Variants in SNTG2 observed in about 807,000 individuals in gnomAD.
SNTG2 encodes the protein gamma-2-syntrophin.
In SNTG2, 74 loss-of-function variants were observed where a neutral mutation model predicts 70.9. The observed-to-expected ratio is 1.04, with a 90% CI of 0.86 to 1.27. SNTG2 has a LOEUF of 1.27. Among genes scored for constraint, SNTG2 ranks in the 50% most tolerant of loss-of-function variants. The probability of loss-of-function intolerance (pLI) is 0.00; values close to 1 mark genes in which losing one functional copy is unlikely to be tolerated. For synonymous variants in SNTG2, 278 were observed against 273.8 expected (o/e 1.02, Z -0.15); for missense variants, 717 against 690.7 (o/e 1.04, Z -0.43).
intron 8 of SNTG2, among the ~76,000 whole-genome samples, chr2:1,189,498 A>C (rs541283446): frequency 6.6e-6 from 1 of 152,074 alleles, no homozygotes; most frequent in Non-Finnish European, 1.5e-5. Context: ...TGCAATTAAG[A>C]CAGCATTCAG....
chr2:1,285,523 T>C (rs1679730383), intron 14 of SNTG2, among the ~76,000 whole-genome samples: 2 of 152,252 alleles, frequency 1.3e-5, no homozygotes, highest in South Asian at 4.1e-4. Flanking sequence ...TCACACAAAG[T>C]TAACAATACT....
intron 4 of SNTG2, among the ~76,000 whole-genome samples, chr2:1,116,592 C>T (rs1350620062): frequency 5.1e-4 from 36 of 71,234 alleles, no homozygotes; most frequent in South Asian, 1.5e-3. Context: ...ACGGGTGCCC[C>T]GGTGTTCGGG....
intron 1 of SNTG2, among the ~76,000 whole-genome samples, chr2:1,069,794 A>AAAAT (rs1015032769): frequency 6.6e-6 from 1 of 152,130 alleles, no homozygotes; most frequent in Admixed American, 6.5e-5. Context: ...CGTCTCAAAA[A>AAAAT]AAATAAATAA....
chr2:1,122,968 A>G (rs1280744784), intron 4 of SNTG2, among the ~76,000 whole-genome samples: 1 of 152,038 alleles, frequency 6.6e-6, no homozygotes, highest in Non-Finnish European at 1.5e-5. Flanking sequence ...ATCAGAAAAA[A>G]ATAAAATATT....
At chr2:955,918 A>T (rs1480318797) in intron 1 of SNTG2, among the ~76,000 whole-genome samples, 1 of 152,150 alleles carries the variant, frequency 6.6e-6, no homozygotes, top group Non-Finnish European at 1.5e-5. Context: ...CAAGGGGCCC[A>T]CATCTGCCAC....
intron 2 of SNTG2, among the ~76,000 whole-genome samples, chr2:1,085,351 C>G (rs1266755101): frequency 1.3e-5 from 2 of 152,164 alleles, no homozygotes; most frequent in African/African-American, 2.4e-5. Context: ...GCATCAGGTT[C>G]TCTACCAAAA....
intron 4 of SNTG2, among the ~76,000 whole-genome samples, chr2:1,114,817 T>C (rs1666826104): frequency 6.6e-6 from 1 of 152,076 alleles, no homozygotes; most frequent in Non-Finnish European, 1.5e-5. Context: ...TATAGTCCTT[T>C]GAGGAGGATT....
At chr2:1,195,936 T>C (rs1248096722) in intron 8 of SNTG2, among the ~76,000 whole-genome samples, 1 of 152,116 alleles carries the variant, frequency 6.6e-6, no homozygotes, top group South Asian at 2.1e-4. Flanking sequence ...AATCTAAAAA[T>C]AACATCATGA....
intron 6 of SNTG2, among the ~76,000 whole-genome samples, chr2:1,164,220 G>A (rs539369272): frequency 7.9e-5 from 12 of 151,482 alleles, no homozygotes; most frequent in African/African-American, 2.7e-4. Context: ...AGGAGAGTGC[G>A]AGGTGGGATA....
chr2:1,182,001 T>G (rs965678227), intron 8 of SNTG2, among the ~76,000 whole-genome samples: 1 of 152,214 alleles, frequency 6.6e-6, no homozygotes, highest in East Asian at 1.9e-4. Flanking sequence ...CATTGCTGCT[T>G]CTTCCCATCT....
chr2:1,184,504 G>T (rs1375484556), intron 8 of SNTG2, among the ~76,000 whole-genome samples: 1 of 152,158 alleles, frequency 6.6e-6, no homozygotes, highest in Admixed American at 6.6e-5. Context: ...AGGTTTAATT[G>T]GCTCATATTT....
intron 7 of SNTG2, among the ~76,000 whole-genome samples, chr2:1,169,877 C>T (rs5024310): frequency 0.23 from 34,495 of 152,080 alleles, 4,690 homozygotes; most frequent in East Asian, 0.42. Context: ...AGTGTCTATT[C>T]TCCTTTTATT....
intron 14 of SNTG2, among the ~76,000 whole-genome samples, chr2:1,283,117 C>A (rs1265510149): frequency 6.6e-6 from 1 of 152,122 alleles, no homozygotes; most frequent in Non-Finnish European, 1.5e-5. Flanking sequence ...TGGCTGCAGC[C>A]ATGGACAAAG....
intron 16 of SNTG2, among the ~76,000 whole-genome samples, chr2:1,328,522 A>AT (rs1410593619): frequency 1.3e-5 from 2 of 152,152 alleles, no homozygotes; most frequent in Non-Finnish European, 1.5e-5. Context: ...CTGTTAGAAG[A>AT]TTTTTTTAGG....
At chr2:1,233,010 G>A (rs748536753) in intron 9 of SNTG2, among the ~76,000 whole-genome samples, 1 of 152,226 alleles carries the variant, frequency 6.6e-6, no homozygotes, top group Non-Finnish European at 1.5e-5. Flanking sequence ...GGCCAGAGCC[G>A]ACAGGGAGTG....
intron 4 of SNTG2, among the ~76,000 whole-genome samples, chr2:1,100,716 T>C (rs1665733211): frequency 6.6e-6 from 1 of 152,174 alleles, no homozygotes. Context: ...GCAGCTCTGT[T>C]CCTGTCCTCT....
At chr2:1,347,750 A>G (rs958416056) in intron 16 of SNTG2, among the ~76,000 whole-genome samples, 1 of 152,240 alleles carries the variant, frequency 6.6e-6, no homozygotes, top group Non-Finnish European at 1.5e-5. Flanking sequence ...TGAAGAATTT[A>G]TCAGTCCCAG....
At chr2:1,103,191 A>C (rs1665895129) in intron 4 of SNTG2, among the ~76,000 whole-genome samples, 1 of 152,232 alleles carries the variant, frequency 6.6e-6, no homozygotes, top group African/African-American at 2.4e-5. Flanking sequence ...ATGTCTAGAC[A>C]TTGTTTAATA....
At chr2:1,176,231 A>T (rs77771284) in intron 8 of SNTG2, among the ~76,000 whole-genome samples, 181 of 152,354 alleles carry the variant, frequency 1.2e-3, no homozygotes, top group African/African-American at 4.2e-3. Context: ...TCTGAATTGC[A>T]GAGTTTAAAA....
Sources: allele counts gnomAD v4.1 joint callset (sites outside exome capture counted in the v4.1 genomes callset), GRCh38; gene constraint gnomAD v4.1.1; transcripts MANE v1.5; gene names NCBI Gene and HGNC (gene_info 2026-07-23, HGNC 2026-07-21).